CADM2: variants seen among roughly 807,000 people sequenced by gnomAD.
CADM2 encodes the protein immunoglobulin superfamily member 4D.
Under a neutral mutation model 49.8 loss-of-function variants are expected in CADM2, and 12 were observed. The observed-to-expected ratio is 0.24, with a 90% CI of 0.15 to 0.39. CADM2 has a LOEUF of 0.39. CADM2 is among the 10% of genes least tolerant of loss of function. The pLI, the probability that CADM2 is intolerant of heterozygous loss-of-function variation, is 1.00. For synonymous variants in CADM2, 214 were observed against 175.4 expected, an observed-to-expected ratio of 1.22 and a Z score of -1.74; for missense variants, 378 against 492.3, an observed-to-expected ratio of 0.77 and a Z score of 2.20.
At chr3:85,608,634 CAGTTGTA>C (rs1175456998) in intron 1 of CADM2, among the ~76,000 whole-genome samples, 1 of 152,094 alleles carries the variant, frequency 6.6e-6, no homozygotes, top group Non-Finnish European at 1.5e-5. Flanking sequence ...CAAGGTAATT[CAGTTGTA>C]AGTTATTATT....
chr3:85,862,671 A>T (rs555452026), intron 3 of CADM2, among the ~76,000 whole-genome samples: 2 of 152,288 alleles, frequency 1.3e-5, no homozygotes, highest in South Asian at 2.1e-4. Context: ...AATGCATATG[A>T]GCCAAACTAC....
chr3:85,777,597 C>G (rs1011466220), intron 2 of CADM2, among the ~76,000 whole-genome samples: 4 of 152,100 alleles, frequency 2.6e-5, no homozygotes, highest in Admixed American at 1.3e-4. Flanking sequence ...TTCTTCTGCT[C>G]TCATGTTTTC....
intron 3 of CADM2, among the ~76,000 whole-genome samples, chr3:85,847,738 C>A (rs1020351313): frequency 6.6e-6 from 1 of 152,030 alleles, no homozygotes; most frequent in Non-Finnish European, 1.5e-5. Context: ...TAAAGAAAGC[C>A]AGAATCCCTT....
chr3:85,003,174 A>T (rs1468180025), intron 1 of CADM2, among the ~76,000 whole-genome samples: 1 of 151,488 alleles, frequency 6.6e-6, no homozygotes, highest in Non-Finnish European at 1.5e-5. Context: ...AAAAGGCCAA[A>T]TACTAAAAAT....
chr3:85,030,993 C>A (rs1226651229), intron 1 of CADM2, among the ~76,000 whole-genome samples: 2 of 152,126 alleles, frequency 1.3e-5, no homozygotes, highest in Admixed American at 1.3e-4. Flanking sequence ...GAGTGAAGTA[C>A]TACAGACCAG....
intron 2 of CADM2, among the ~76,000 whole-genome samples, chr3:85,768,027 T>C (rs1292156281): frequency 6.6e-6 from 1 of 152,216 alleles, no homozygotes; most frequent in Non-Finnish European, 1.5e-5. Context: ...CGATAATGTA[T>C]CTTTTTAAGT....
chr3:85,586,398 GCAAACTCTAAC>G (rs1408780367), intron 1 of CADM2, among the ~76,000 whole-genome samples: 4 of 152,048 alleles, frequency 2.6e-5, no homozygotes, highest in Non-Finnish European at 5.9e-5. Flanking sequence ...GATTTTCTTT[GCAAACTCTAAC>G]GTACCTATTT....
chr3:85,874,690 T>TATCA (rs1711567588), intron 3 of CADM2, among the ~76,000 whole-genome samples: 2 of 152,092 alleles, frequency 1.3e-5, no homozygotes, highest in South Asian at 4.1e-4. Flanking sequence ...TTGTGAACGC[T>TATCA]ATCAAATACC....
intron 1 of CADM2, among the ~76,000 whole-genome samples, chr3:85,425,321 T>C (rs994139204): frequency 6.6e-6 from 1 of 152,230 alleles, no homozygotes; most frequent in Non-Finnish European, 1.5e-5. Context: ...AAAATGTTTT[T>C]ATCTTGTTCA....
At chr3:86,066,559 A>T (rs2875498) in intron 9 of CADM2, 106 bp from the exon 10 acceptor site, 10,906 of 779,782 alleles carry the variant, frequency 0.014, 320 homozygotes, top group East Asian at 0.094. Flanking sequence ...GTAGCATATT[A>T]GGTCTCAAAA....
chr3:85,320,980 G>A (rs1021399389), intron 1 of CADM2, among the ~76,000 whole-genome samples: 4 of 147,202 alleles, frequency 2.7e-5, no homozygotes, highest in Non-Finnish European at 6.0e-5. Context: ...TTCTAATTTA[G>A]GAATTTCCTG....
At chr3:85,201,104 A>G (rs2041488991) in intron 1 of CADM2, among the ~76,000 whole-genome samples, 1 of 152,160 alleles carries the variant, frequency 6.6e-6, no homozygotes, top group South Asian at 2.1e-4. Flanking sequence ...AGTATTTTCC[A>G]ATGATTGATT....
At chr3:85,321,116 A>ATATTTTTTTTTTTTTTTT (rs2044596196) in intron 1 of CADM2, among the ~76,000 whole-genome samples, 1 of 27,496 alleles carries the variant, frequency 3.6e-5, no homozygotes, top group Non-Finnish European at 6.5e-5. Flanking sequence ...ATATATATAT[A>ATATTTTTTTTTTTTTTTT]TTTTTTTTTT....
intron 1 of CADM2, among the ~76,000 whole-genome samples, chr3:85,307,511 C>T (rs1361623686): frequency 6.6e-6 from 1 of 151,724 alleles, no homozygotes; most frequent in Non-Finnish European, 1.5e-5. Context: ...AATACAATGA[C>T]AAAAACTCTA....
rs111770535 is a variant in CADM2, at chr3:85,230,311, A to G, written c.61+270643A>G. Among the ~76,000 whole-genome samples, 1,060 of 152,332 alleles carry G rather than the reference A, an allele frequency of 7.0e-3. 10 individuals are homozygous for G. The highest frequency in any genetic ancestry group is 0.023 in the African/African-American group (970 of 41,572). ...TCAAACATGAAGGAATGAGAATACA[A>G]AATGTATTATATAGCTAAGCCTAAA... On this transcript the variant is annotated intron_variant, in intron 1 of 9. Coordinates refer to ENST00000383699, the MANE Select transcript of CADM2 (RefSeq NM_001167675.2).
chr3:85,703,268 A>C (rs1308744159), intron 1 of CADM2, among the ~76,000 whole-genome samples: 2 of 152,120 alleles, frequency 1.3e-5, no homozygotes, highest in African/African-American at 4.8e-5. Context: ...GATTAGCAGG[A>C]TCAGCACTCT....
At chr3:85,870,240 G>C (rs1232722531) in intron 3 of CADM2, among the ~76,000 whole-genome samples, 1 of 151,122 alleles carries the variant, frequency 6.6e-6, no homozygotes, top group Non-Finnish European at 1.5e-5. Flanking sequence ...TGTTGTTGTT[G>C]ATGATGATTT....
chr3:85,205,163 A>C (rs1213380932), intron 1 of CADM2, among the ~76,000 whole-genome samples: 1 of 151,368 alleles, frequency 6.6e-6, no homozygotes, highest in Admixed American at 6.6e-5. Context: ...GAATACATGC[A>C]GGTGCCACCG....
intron 1 of CADM2, among the ~76,000 whole-genome samples, chr3:85,616,040 T>C (rs890839172): frequency 6.6e-6 from 1 of 151,976 alleles, no homozygotes; most frequent in Non-Finnish European, 1.5e-5. Flanking sequence ...TAAGAGCTGA[T>C]GAGCAGAGTT....
Sources: allele counts gnomAD v4.1 joint callset (sites outside exome capture counted in the v4.1 genomes callset), GRCh38; gene constraint gnomAD v4.1.1; transcripts MANE v1.5; gene names NCBI Gene and HGNC (gene_info 2026-07-23, HGNC 2026-07-21).